Variants in RGS7 observed in about 807,000 individuals in gnomAD.
RGS7 encodes the protein regulator of G-protein signaling 7.
A neutral mutation model predicts 81.1 loss-of-function variants in RGS7; 27 were observed. The observed-to-expected ratio is 0.33, with a 90% CI of 0.25 to 0.46. The LOEUF (loss-of-function observed/expected upper bound fraction) is 0.46. Ranked by LOEUF, RGS7 falls within the 20% of genes least tolerant of loss-of-function variation. The pLI is 1.00. For synonymous variants in RGS7, 208 were observed against 207.7 expected (o/e 1.00, Z -0.01); for missense variants, 396 against 607.4 (o/e 0.65, Z 3.66).
intron 2 of RGS7, among the ~76,000 whole-genome samples, chr1:241,173,364 C>G (rs1246750709): frequency 6.6e-6 from 1 of 152,154 alleles, no homozygotes; most frequent in Non-Finnish European, 1.5e-5. Context: ...TATCAAATAT[C>G]ACAATGTATG....
intron 3 of RGS7, among the ~76,000 whole-genome samples, chr1:241,094,592 A>C (rs1369515168): frequency 6.8e-6 from 1 of 146,944 alleles, no homozygotes; most frequent in Admixed American, 6.7e-5. Flanking sequence ...GGAGGTTGAA[A>C]TCAACAACTC....
chr1:241,089,462 C>T (rs562947655), intron 3 of RGS7, among the ~76,000 whole-genome samples: 3 of 152,054 alleles, frequency 2.0e-5, no homozygotes, highest in East Asian at 1.9e-4. Flanking sequence ...GGTAAACGTA[C>T]CCTTGCCAAA....
At chr1:241,325,595 G>A (rs569741056) in intron 2 of RGS7, among the ~76,000 whole-genome samples, 4 of 152,158 alleles carry the variant, frequency 2.6e-5, no homozygotes, top group South Asian at 2.1e-4. Context: ...AAGGAGAAAC[G>A]TGTCTGTTGG....
chr1:240,776,800 G>A (rs1459971159), intron 18 of RGS7, among the ~76,000 whole-genome samples: 6 of 152,276 alleles, frequency 3.9e-5, no homozygotes, highest in Non-Finnish European at 1.5e-5. Flanking sequence ...TATATCTGAA[G>A]ATAAAAGTCT....
rs189942554 is a variant in RGS7, at chr1:241,158,010, C to G, written c.79-59248G>C. 1.6e-3 allele frequency among the ~76,000 whole-genome samples: 237 copies of G among 151,570 alleles called. 2 individuals are homozygous for G. The highest frequency in any genetic ancestry group is 0.014 in the Middle Eastern group (4 of 292). ...TTTTTTTTTTAATTTTTAGTAGAGA[C>G]AGGGTTTCACCGTGTTAGCCAGGAT... On this transcript the variant is annotated intron_variant, in intron 2 of 18. Coordinates refer to ENST00000440928, the MANE Select transcript of RGS7 (RefSeq NM_001364886.1).
chr1:241,105,711 C>T (rs2102922260), intron 2 of RGS7, among the ~76,000 whole-genome samples: 1 of 152,312 alleles, frequency 6.6e-6, no homozygotes, highest in East Asian at 1.9e-4. Flanking sequence ...AAGCCAATCG[C>T]TTTACAGAGA....
At chr1:241,337,535 G>A (rs569906642) in intron 2 of RGS7, among the ~76,000 whole-genome samples, 1 of 151,952 alleles carries the variant, frequency 6.6e-6, no homozygotes, top group Non-Finnish European at 1.5e-5. Flanking sequence ...ACAGCTAGGA[G>A]GATGGACAAG....
chr1:240,944,276 GTGTGTGTATATATATATATATATATA>G (rs1368524862), intron 4 of RGS7, among the ~76,000 whole-genome samples: 2 of 18,846 alleles, frequency 1.1e-4, no homozygotes, highest in African/African-American at 3.1e-4. Context: ...GTGTGTGTGT[GTGTGTGTATATATATATATATATATA>G]TATATATATA....
chr1:241,067,520 T>A (rs1490126215), intron 3 of RGS7, among the ~76,000 whole-genome samples: 1 of 62,604 alleles, frequency 1.6e-5, no homozygotes, highest in Non-Finnish European at 3.1e-5. Flanking sequence ...TACTGAATAA[T>A]GAGATTTTTT....
chr1:240,982,422 CAAAAAAAA>C (rs10567618), intron 4 of RGS7, among the ~76,000 whole-genome samples: 1 of 66,234 alleles, frequency 1.5e-5, no homozygotes, highest in African/African-American at 6.2e-5. Flanking sequence ...AACTCTGCCT[CAAAAAAAA>C]AAAAAAAAAA....
chr1:240,806,896 T>C (rs1688951098), intron 14 of RGS7, among the ~76,000 whole-genome samples: 1 of 152,094 alleles, frequency 6.6e-6, no homozygotes, highest in African/African-American at 2.4e-5. Flanking sequence ...AAAAGAGGCC[T>C]GGACATAAGA....
chr1:241,133,831 T>G (rs1660403829), intron 2 of RGS7, among the ~76,000 whole-genome samples: 1 of 152,188 alleles, frequency 6.6e-6, no homozygotes, highest in Non-Finnish European at 1.5e-5. Context: ...GACAATTTGT[T>G]GTGCCAAACA....
At chr1:240,792,407 AGAT>A (rs1435801000) in intron 18 of RGS7, among the ~76,000 whole-genome samples, 1 of 151,442 alleles carries the variant, frequency 6.6e-6, no homozygotes, top group Non-Finnish European at 1.5e-5. Context: ...TCTGCTGTGT[AGAT>A]GATGATGGCC....
intron 2 of RGS7, among the ~76,000 whole-genome samples, chr1:241,170,852 T>C (rs2070683392): frequency 6.6e-6 from 1 of 152,206 alleles, no homozygotes; most frequent in Admixed American, 6.5e-5. Context: ...ATTTCTGTTT[T>C]CTTCTTTAAA....
intron 2 of RGS7, among the ~76,000 whole-genome samples, chr1:241,180,073 T>G (rs2071476400): frequency 6.6e-6 from 1 of 152,096 alleles, no homozygotes; most frequent in South Asian, 2.1e-4. Context: ...CAGTGGAATC[T>G]CTGATAAACA....
chr1:241,308,128 C>T lies in RGS7; in HGVS notation c.78+47571G>A, dbSNP rs1280734233. On this transcript the variant is annotated intron_variant, in intron 2 of 18. Coordinates refer to ENST00000440928, the MANE Select transcript of RGS7 (RefSeq NM_001364886.1). ...GCCCGTTTCAGGCAATGATGCCAGG[C>T]TTTGCTGTTGCTAGGGAGATAGAGA... Among the ~76,000 whole-genome samples the T allele has an allele frequency of 2.0e-5, 3 of 151,262 alleles. No homozygotes were observed. The East Asian group carries it at 5.8e-4, about 29-fold the overall frequency.
intron 3 of RGS7, among the ~76,000 whole-genome samples, chr1:241,030,245 G>A (rs6682113): frequency 0.19 from 29,410 of 151,166 alleles, 3,941 homozygotes; most frequent in African/African-American, 0.37. Flanking sequence ...TACATCAGCC[G>A]TGGGCTGTTG....
At chr1:241,006,945 C>G (rs1291717281) in intron 3 of RGS7, among the ~76,000 whole-genome samples, 1 of 152,136 alleles carries the variant, frequency 6.6e-6, no homozygotes, top group African/African-American at 2.4e-5. Context: ...GAGATGGAGT[C>G]TTGCTCTGTT....
chr1:241,075,454 C>T (rs947055339), intron 3 of RGS7, among the ~76,000 whole-genome samples: 7 of 152,142 alleles, frequency 4.6e-5, no homozygotes. Context: ...ATGTGCAATT[C>T]AGGGTTCAGT....
Sources: gnomAD v4.1 joint callset for allele counts (sites outside exome capture counted in the v4.1 genomes callset) on GRCh38, gnomAD v4.1.1 for gene constraint, MANE v1.5 for transcripts, NCBI Gene and HGNC (gene_info 2026-07-23, HGNC 2026-07-21) for gene names.